PAIP1: variants seen among roughly 807,000 people sequenced by gnomAD.
PAIP1 encodes the protein polyadenylate-binding protein-interacting protein 1.
A neutral mutation model predicts 61.3 loss-of-function variants in PAIP1; 16 were observed. The observed-to-expected ratio is 0.26, with a 90% CI of 0.18 to 0.40. The LOEUF (loss-of-function observed/expected upper bound fraction) is 0.40, where lower values mean the gene tolerates loss of function less well. PAIP1 is among the 10% of genes least tolerant of loss of function. PAIP1 has a pLI of 1.00. For synonymous variants in PAIP1, 187 were observed against 226.2 expected, an observed-to-expected ratio of 0.83 and a Z score of 1.56; for missense variants, 416 against 600.9, an observed-to-expected ratio of 0.69 and a Z score of 3.22.
chr5:43,538,844 A>G (rs1351756034), intron 5 of PAIP1, 80 bp downstream of exon 5: 13 of 761,664 alleles, frequency 1.7e-5, no homozygotes, highest in Non-Finnish European at 2.8e-5. Flanking sequence ...GTAAAAGTAC[A>G]ATGTGAACAC....
chr5:43,539,452 TAC>T (rs34509892), intron 4 of PAIP1, among the ~76,000 whole-genome samples: 43,504 of 148,226 alleles, frequency 0.29, 6,580 homozygotes, highest in Middle Eastern at 0.45. Flanking sequence ...GATCTTTAAA[TAC>T]ACACACACAC....
At chr5:43,527,501 G>C (rs1312452709) in intron 10 of PAIP1, 32 bp from the exon 11 acceptor site, 4 of 1,556,048 alleles carry the variant, frequency 2.6e-6, no homozygotes, top group Non-Finnish European at 3.5e-6. Context: ...ATAAGTGTAA[G>C]GTTTTTCAAC....
chr5:43,536,685 T>C lies in PAIP1; in HGVS notation c.972+134A>G, dbSNP rs575272426. 3 of 490,722 alleles carry C rather than the reference T, an allele frequency of 6.1e-6. No homozygotes were observed. The South Asian group carries it at 1.2e-4, about 20-fold the overall frequency. The allele number at this position is 490,722 out of a possible 1,614,324, so 30.4% of individuals were successfully genotyped here. A position where few individuals can be genotyped will look rare whatever the true frequency, so the allele number is the denominator to read the frequency against. On this transcript the variant is annotated intron_variant, in intron 6 of 10. Coordinates refer to ENST00000306846, the MANE Select transcript of PAIP1 (RefSeq NM_006451.5). The stretch of plus-strand genomic sequence containing the variant: ...AGTATATCTCGCTTTTCCAAAATAT[T>C]CGAGAAAAAAGTAAAATGTCAATAT...
Position 43,555,934 on chromosome 5 carries a change from A to C in PAIP1, c.331T>G (p.Ser111Ala). The C allele has an allele frequency of 1.2e-6, 2 of 1,613,776 alleles. No individual in the cohort carries two copies. Among genetic ancestry groups the C allele is most frequent in the Non-Finnish European group, 1.7e-6 (2 of 1,179,916 alleles). Residue 111 changes from serine (S) to alanine (A), a missense_variant, in exon 2 of 11, where the codon TCA (serine) becomes GCA (alanine). Around this residue, in one of 4 missense-constraint regions of PAIP1, gnomAD observed 180 missense variants for 211.2 expected, o/e 0.85. Transcript: ENST00000306846. ...QDKIPQQNSE[S>A]AMAKPQVVVA... ...ACCACCTGGGGCTTAGCCATTGCTG[A>C]CTCCGAGTTCTGCTGTGGGATTTTA...
intron 1 of PAIP1, 50 bp from the exon 2 acceptor site, chr5:43,556,049 A>T: frequency 6.3e-7 from 1 of 1,579,586 alleles, no homozygotes; most frequent in Non-Finnish European, 8.6e-7. Context: ...TCCTTTGTAC[A>T]GCAACTTGCT....
At chr5:43,547,385 C>T (rs1247305863) in intron 3 of PAIP1, among the ~76,000 whole-genome samples, 31 of 152,232 alleles carry the variant, frequency 2.0e-4, no homozygotes, top group Admixed American at 1.8e-3. Flanking sequence ...GCCTGCAAAA[C>T]AAGGGGCAGG....
intron 5 of PAIP1, among the ~76,000 whole-genome samples, chr5:43,538,449 A>G (rs1034366720): frequency 1.4e-4 from 21 of 152,206 alleles, no homozygotes; most frequent in African/African-American, 4.8e-4. Flanking sequence ...CCATAAAGAT[A>G]TAATTTTTGT....
In PAIP1 at chr5:43,547,042, C is replaced by CAAAAAAAAA. The variant is rs766493987; in HGVS notation, c.621+677_621+685dup. On this transcript the variant is annotated intron_variant, in intron 3 of 10. Coordinates refer to ENST00000306846, the MANE Select transcript of PAIP1 (RefSeq NM_006451.5). ...TGGGAGACAGGGCAAGACTCCATAT[C>CAAAAAAAAA]AAAAAAAAAAAAAAAAAAAAAAAAA... is the stretch of plus-strand genomic sequence containing the variant. 6.0e-3 allele frequency among the ~76,000 whole-genome samples: 215 copies of CAAAAAAAAA among 35,662 alleles called. 70 individuals are homozygous for CAAAAAAAAA. The highest frequency in any genetic ancestry group is 0.017 in the African/African-American group (127 of 7,308). The allele number at this position is 35,662 out of a possible 152,430, so 23.4% of individuals were successfully genotyped here.
chr5:43,545,718 G>C (rs2112410038), intron 3 of PAIP1, among the ~76,000 whole-genome samples: 1 of 151,640 alleles, frequency 6.6e-6, no homozygotes, highest in South Asian at 2.1e-4. Context: ...AATCCCCATA[G>C]CATCATTTTA....
intron 3 of PAIP1, among the ~76,000 whole-genome samples, chr5:43,545,863 G>A (rs1353327884): frequency 2.0e-5 from 3 of 151,618 alleles, no homozygotes; most frequent in South Asian, 2.1e-4. Flanking sequence ...TCCGCCTCCC[G>A]GGTTCAAGCG....
intron 3 of PAIP1, among the ~76,000 whole-genome samples, chr5:43,546,252 CAG>C (rs1256080764): frequency 1.3e-5 from 2 of 152,244 alleles, no homozygotes; most frequent in African/African-American, 4.8e-5. Flanking sequence ...TGACGCTTAT[CAG>C]GTTACTGACC....
chr5:43,536,928 C>T lies in PAIP1; in HGVS notation c.863G>A (p.Gly288Glu). Reference protein sequence around the residue: ...YLNLEIKGTNGQVTRADILQV... With the variant: ...YLNLEIKGTNEQVTRADILQV... ...AAGAATATCTGCTCTTGTAACCTGT[C>T]CATTTGTTCCCTTGATCTTTCGGGA... Residue 288 changes from glycine (G) to glutamate (E), a missense_variant, in exon 6 of 11, where the codon GGA (glycine) becomes GAA (glutamate). This residue lies in a region of PAIP1 where 135 missense variants were observed against 283.9 expected (regional missense o/e 0.48). Transcript: ENST00000306846. 6.4e-7 allele frequency: 1 copy of T among 1,574,106 alleles called. No homozygotes were observed. Among genetic ancestry groups the T allele is most frequent in the Non-Finnish European group, 8.6e-7 (1 of 1,163,424 alleles).
Position 43,532,701 on chromosome 5 carries a change from G to A in PAIP1, c.1252+1037C>T, listed in dbSNP as rs112165641. ...ACAGGCAAATACTGAGAGAAAGAAG[G>A]TAACCAAAACCCTCAGCTAAGAATC... is the stretch of plus-strand genomic sequence containing the variant. On this transcript the variant is annotated intron_variant, in intron 9 of 10. Coordinates refer to ENST00000306846, the MANE Select transcript of PAIP1 (RefSeq NM_006451.5). Among the ~76,000 whole-genome samples the A allele has an allele frequency of 9.2e-3, 1,403 of 152,216 alleles. 24 individuals carry two copies. The highest frequency in any genetic ancestry group is 0.091 in the South Asian group (439 of 4,806).
Position 43,556,653 on chromosome 5 carries a change from G to T in PAIP1, c.194C>A (p.Thr65Asn). ...CTCGCACTGGGCCCCTGGCGGCGGGGTCGTCCTGGGCTGGCGCAGCGGCGG... is the reference window on the plus strand; with the variant it reads ...CTCGCACTGGGCCCCTGGCGGCGGGTTCGTCCTGGGCTGGCGCAGCGGCGG... ...QPPPLRQPRT[T>N]PPPGAQCEVP... The change falls in exon 1 of 11, where the codon ACC becomes AAC. Residue 65 changes from threonine (T) to asparagine (N), a missense_variant. Around this residue, in one of 4 missense-constraint regions of PAIP1, gnomAD observed 180 missense variants for 211.2 expected, o/e 0.85. Coordinates refer to ENST00000306846, the MANE Select transcript of PAIP1 (RefSeq NM_006451.5). 7.9e-7 allele frequency: 1 copy of T among 1,265,498 alleles called. No individual in the cohort carries two copies. The highest frequency in any genetic ancestry group is 9.9e-7 in the Non-Finnish European group (1 of 1,005,860). 78.4% of individuals were successfully genotyped at this position (1,265,498 alleles called of 1,614,324 possible).
Position 43,556,815 on chromosome 5 carries a change from G to A in PAIP1, c.32C>T (p.Ala11Val), listed in dbSNP as rs1186907599. The change falls in exon 1 of 11, where the codon GCT (alanine) becomes GTT (valine). Residue 11 changes from alanine to valine, a missense_variant. Coordinates refer to ENST00000306846, the MANE Select transcript of PAIP1 (RefSeq NM_006451.5). ...CAGGCCCCGGCTCCGGCCCCGACCA[G>A]CACCTGGGGCCCGATCGAAACCGTC... MSDGFDRAPG[A>V]GRGRSRGLGR... The A allele has an allele frequency of 6.9e-6, 10 of 1,453,720 alleles. No individual in the cohort carries two copies. The highest frequency in any genetic ancestry group is 8.1e-6 in the Non-Finnish European group (9 of 1,105,716). The allele number at this position is 1,453,720 out of a possible 1,614,324, so 90.1% of individuals were successfully genotyped here. A position where few individuals can be genotyped will look rare whatever the true frequency, so the allele number is the denominator to read the frequency against.
In PAIP1 at chr5:43,527,405, A is replaced by G; in HGVS notation, c.1411T>C (p.Leu471=). ...EIEEAYEKFC[L]ESERKRKQ ...TGTTTTCGCTTACGCTCTGATTCCA[A>G]ACAAAACTTTTCATAAGCTTCTTCT... Residue 471 remains leucine (L), a synonymous_variant, in exon 11 of 11, where the codon TTG becomes CTG. Transcript: ENST00000306846. 1 of 1,602,684 alleles carries G rather than the reference A, an allele frequency of 6.2e-7. No individual in the cohort carries two copies. The highest frequency in any genetic ancestry group is 2.3e-5 in the East Asian group (1 of 44,424).
At position 43,538,930 on chromosome 5, in the gene PAIP1, G is replaced by C. The variant is rs1278918018; in HGVS notation, c.840C>G (p.Asn280Lys). Residue 280 changes from asparagine to lysine, a missense_variant, in exon 5 of 11, where the codon AAC (asparagine) becomes AAG (lysine). By Grantham distance (94) the Asn-to-Lys change is moderately conservative. Around this residue, in one of 4 missense-constraint regions of PAIP1, gnomAD observed 135 missense variants for 283.9 expected, o/e 0.48. Transcript: ENST00000306846. Reference protein sequence around the residue: ...FVLFLGELYLNLEIKGTNGQV... With the variant: ...FVLFLGELYLKLEIKGTNGQV... ...CAAAAGAAAAACTTCTCACCTCCAG[G>C]TTAAGATAAAGTTCTCCCAGAAAGA... The C allele has an allele frequency of 6.3e-7, 1 of 1,583,134 alleles. No homozygotes were observed. Among genetic ancestry groups the C allele is most frequent in the South Asian group, 1.1e-5 (1 of 90,362 alleles).
chr5:43,540,729 G>T lies in PAIP1; in HGVS notation c.735-1694C>A, dbSNP rs1318292672. Among the ~76,000 whole-genome samples the T allele has an allele frequency of 3.3e-5, 5 of 152,128 alleles. No individual in the cohort carries two copies. The East Asian group carries it at 9.6e-4, about 29-fold the overall frequency. ...GTATTTCTCTACATTATTATTGACA[G>T]GATTACAGTACTACAGAAGCACATA... On this transcript the variant is annotated intron_variant, in intron 4 of 10. Coordinates refer to ENST00000306846, the MANE Select transcript of PAIP1 (RefSeq NM_006451.5).
Position 43,535,516 on chromosome 5 carries a change from C to T in PAIP1, c.1079+18G>A. Reference sequence around the variant, plus strand: ...GAAATTGAGATGCACTGGCTATTTACATTACTTCTTTTCCTACCTACTGCA... The same window carrying T: ...GAAATTGAGATGCACTGGCTATTTATATTACTTCTTTTCCTACCTACTGCA... On this transcript the variant is annotated intron_variant, in intron 7 of 10. Transcript: ENST00000306846. 2.2e-6 allele frequency: 3 copies of T among 1,333,544 alleles called. No individual in the cohort carries two copies. The highest frequency in any genetic ancestry group is 1.4e-5 in the African/African-American group (1 of 69,606). 82.6% of individuals were successfully genotyped at this position (1,333,544 alleles called of 1,614,324 possible).
Sources: allele counts gnomAD v4.1 joint callset (sites outside exome capture counted in the v4.1 genomes callset), GRCh38; gene constraint gnomAD v4.1.1; regional missense constraint gnomAD v4.1.1; transcripts MANE v1.5; gene names NCBI Gene and HGNC (gene_info 2026-07-23, HGNC 2026-07-21).